SERINC2: variants seen among roughly 807,000 people sequenced by gnomAD.
The protein encoded by SERINC2 is serine incorporator 2.
Under a neutral mutation model 54.2 loss-of-function variants are expected in SERINC2, and 56 were observed. That is an observed-to-expected ratio of 1.03 (90% CI 0.83 to 1.29). SERINC2 has a LOEUF of 1.29. Among genes scored for constraint, SERINC2 ranks in the 50% most tolerant of loss-of-function variants. The pLI is 0.00. For synonymous variants in SERINC2, 272 were observed against 253.1 expected (o/e 1.07, Z -0.71); for missense variants, 614 against 607.4 (o/e 1.01, Z -0.12).
chr1:31,410,104 C>A, upstream of SERINC2: 1 of 1,285,430 alleles, frequency 7.8e-7, no homozygotes, highest in Non-Finnish European at 1.0e-6. Context: ...GTTTACATAG[C>A]ATTGGGTGGA....
chr1:31,424,792 C>T lies in SERINC2; in HGVS notation c.311C>T (p.Thr104Met), dbSNP rs144416050. ...GCTGTCTACCGCATGTGCTTCGCCA[C>T]GGCGGCCTTCTTCTTCTTTTTCACC... Reference protein sequence around the residue: ...YRAVYRMCFATAAFFFFFTLL... With the variant: ...YRAVYRMCFAMAAFFFFFTLL... Residue 104 changes from threonine to methionine, a missense_variant, in exon 3 of 10, where the codon ACG (threonine) becomes ATG (methionine). Thr to Met is a moderately conservative substitution (Grantham distance 81). Transcript: ENST00000373709. 2,042 of 1,612,138 alleles carry T rather than the reference C, an allele frequency of 1.3e-3. 6 individuals carry two copies. The highest frequency in any genetic ancestry group is 1.5e-3 in the Non-Finnish European group (1,827 of 1,179,430).
rs1553134037 is a variant in SERINC2, at chr1:31,429,075, A to T, written c.871+7A>T. ...GCCCTATCCAGTATCCCTGGTAAGT[A>T]TGGGCCCAGGCTCAAGGAGGCCTGG... On this transcript the variant is annotated splice_region_variant and intron_variant, in intron 7 of 9. Transcript: ENST00000373709. 8 of 1,611,102 alleles carry T rather than the reference A, an allele frequency of 5.0e-6. No individual in the cohort carries two copies. In the Admixed American group the frequency reaches 1.3e-4, roughly 27 times the overall value.
upstream of SERINC2, chr1:31,409,887 A>G (rs567878790): frequency 2.0e-4 from 302 of 1,527,464 alleles, 4 homozygotes; most frequent in South Asian, 3.4e-3. Flanking sequence ...GATTGGGGGC[A>G]CTGAGGCGGG....
At chr1:31,414,860 C>T (rs1300119833) in intron 1 of SERINC2, 111 of 776,412 alleles carry the variant, frequency 1.4e-4, no homozygotes, top group Non-Finnish European at 1.4e-4. Context: ...TTGGTCACCC[C>T]ATCTGGCAGT....
At chr1:31,428,815 A>G (rs1641112642) in intron 6 of SERINC2, among the ~76,000 whole-genome samples, 163 bp from the exon 7 acceptor site, 1 of 146,696 alleles carries the variant, frequency 6.8e-6, no homozygotes, top group African/African-American at 2.5e-5. Flanking sequence ...TTGGTTAGTG[A>G]GGTGGGTGGT....
rs781876384 is a variant in SERINC2 at position 31,434,093 on chromosome 1, C to T, written c.1262C>T (p.Thr421Met). 36 of 1,613,868 alleles carry T rather than the reference C, an allele frequency of 2.2e-5. No individual in the cohort carries two copies. The highest frequency in any genetic ancestry group is 9.3e-5 in the African/African-American group (7 of 74,894). Residue 421 changes from threonine (T) to methionine (M), a missense_variant, in exon 10 of 10, where the codon ACG (threonine) becomes ATG (methionine). By Grantham distance (81) the Thr-to-Met change is moderately conservative. Coordinates refer to ENST00000373709, the MANE Select transcript of SERINC2 (RefSeq NM_178865.5). ...GGTGAGACCCGGAAGATGATCAGCA[C>T]GTGGACCGCCGTGTGGGTGAAGATC... ...KPGETRKMIS[T>M]WTAVWVKICA...
At chr1:31,429,684 A>T in intron 8 of SERINC2, 146 bp downstream of exon 8, 1 of 913,472 alleles carries the variant, frequency 1.1e-6, no homozygotes, top group Non-Finnish European at 1.6e-6. Flanking sequence ...GGGAGGGGAA[A>T]CTGAGTCCCT....
chr1:31,432,090 GGA>G (rs1641282404), intron 8 of SERINC2, among the ~76,000 whole-genome samples: 2 of 125,506 alleles, frequency 1.6e-5, no homozygotes, highest in African/African-American at 3.3e-5. Context: ...TGGTTAGGGT[GGA>G]CAGGGTGGAC....
upstream of SERINC2, chr1:31,410,327 A>G (rs114060678): frequency 1.0e-3 from 1,592 of 1,545,774 alleles, 12 homozygotes; most frequent in African/African-American, 0.018. Context: ...TCCTCACTTC[A>G]TCTCCTCAGT....
intron 8 of SERINC2, among the ~76,000 whole-genome samples, chr1:31,431,994 T>TAGGGTGGATAGGGTGGATAGGGTGGAC (rs1641255422): frequency 1.2e-4 from 3 of 24,128 alleles, no homozygotes; most frequent in Non-Finnish European, 2.5e-4. Flanking sequence ...ATAGGGTGGA[T>TAGGGTGGATAGGGTGGATAGGGTGGAC]AGGGTGGATA....
chr1:31,429,433 G>T lies in SERINC2; in HGVS notation c.908G>T (p.Gly303Val), dbSNP rs202197509. 5.9e-5 allele frequency: 95 copies of T among 1,613,688 alleles called. No homozygotes were observed. Among genetic ancestry groups the T allele is most frequent in the Admixed American group, 1.5e-4 (9 of 59,946 alleles). The part of the protein sequence containing the change: ...KCNPHLPTQL[G>V]NETVVAGPEG... ...AACCCCCATTTGCCAACCCAGCTGG[G>T]CAACGAGACAGTTGTGGCAGGCCCC... is the stretch of plus-strand genomic sequence containing the variant. The change falls in exon 8 of 10, where the codon GGC becomes GTC. Residue 303 changes from glycine (G) to valine (V), a missense_variant. Gly to Val is a moderately radical substitution (Grantham distance 109). Transcript: ENST00000373709.
chr1:31,427,836 T>C (rs1294197455), intron 6 of SERINC2, among the ~76,000 whole-genome samples: 1 of 145,238 alleles, frequency 6.9e-6, no homozygotes, highest in East Asian at 2.0e-4. Flanking sequence ...TTTTTTTTTT[T>C]TTTTTTTTTT....
At position 31,434,328 on chromosome 1, in the gene SERINC2, C is replaced by T. The variant is rs1277940442; in HGVS notation, c.*129C>T. The T allele has an allele frequency of 1.4e-5, 14 of 979,220 alleles. No homozygotes were observed. The Admixed American group carries it at 2.5e-4, about 18-fold the overall frequency. The allele number at this position is 979,220 out of a possible 1,614,324, so 60.7% of individuals were successfully genotyped here. A position where few individuals can be genotyped will look rare whatever the true frequency, so the allele number is the denominator to read the frequency against. On this transcript the variant is annotated 3_prime_UTR_variant, in exon 10 of 10. Coordinates refer to ENST00000373709, the MANE Select transcript of SERINC2 (RefSeq NM_178865.5). ...CCCCACCCCTGCCCCAGCTCCAGGA[C>T]CTGCCCCTGAGCCGGGCCTTCTAGT...
At position 31,423,622 on chromosome 1, in the gene SERINC2, T is replaced by A. The variant is rs1640953303; in HGVS notation, c.40-71T>A. 3 of 1,511,224 alleles carry A rather than the reference T, an allele frequency of 2.0e-6. No homozygotes were observed. The Admixed American group carries it at 5.5e-5, about 28-fold the overall frequency. The allele number at this position is 1,511,224 out of a possible 1,614,324, so 93.6% of individuals were successfully genotyped here. On this transcript the variant is annotated intron_variant, in intron 1 of 9. Transcript: ENST00000373709. ...AGCGCAGCACAGATGCGCCGACCTC[T>A]GGGCAGGTGGTGAGAGGTGCGCGCT...
Position 31,413,245 on chromosome 1 carries a change from C to G in SERINC2, c.-21C>G. The G allele has an allele frequency of 8.5e-7, 1 of 1,181,642 alleles. No homozygotes were observed. Among genetic ancestry groups the G allele is most frequent in the Non-Finnish European group, 1.0e-6 (1 of 957,612 alleles). 73.2% of individuals were successfully genotyped at this position (1,181,642 alleles called of 1,614,324 possible). On this transcript the variant is annotated 5_prime_UTR_variant, in exon 1 of 10. Coordinates refer to ENST00000373709, the MANE Select transcript of SERINC2 (RefSeq NM_178865.5). This position sits in a 1 kb window ranked among gnomAD's most constrained non-coding sequence, Gnocchi z 5.0. Reference sequence around the variant, plus strand: ...GCGCCCCGCGCCCGGCGCCGGGCGCCCGAAGCCGGGAGCCGCCGCCATGGG... The same window carrying G: ...GCGCCCCGCGCCCGGCGCCGGGCGCGCGAAGCCGGGAGCCGCCGCCATGGG...
At chr1:31,419,167 C>T (rs1640847863) in intron 1 of SERINC2, among the ~76,000 whole-genome samples, 1 of 152,186 alleles carries the variant, frequency 6.6e-6, no homozygotes, top group Admixed American at 6.5e-5. Flanking sequence ...GCTTTCCAGT[C>T]TGCCTTCCTT....
chr1:31,426,070 G>A, intron 5 of SERINC2, 157 bp downstream of exon 5: 1 of 755,316 alleles, frequency 1.3e-6, no homozygotes. Flanking sequence ...GGGAGATGGG[G>A]GGCACCAGCT....
In SERINC2 at chr1:31,413,536, G is replaced by A. The variant is rs987084990; in HGVS notation, c.39+232G>A. ...GCAGGCGCCGGGCAGCTGCGGTCCC[G>A]GCTCGGGTTTCCGCGGGCAGGAGGG... On this transcript the variant is annotated intron_variant, in intron 1 of 9. Transcript: ENST00000373709. The surrounding 1 kb of genome is among the most constrained non-coding windows in gnomAD (Gnocchi z 5.0). Among the ~76,000 whole-genome samples, 2 of 151,780 alleles carry A rather than the reference G, an allele frequency of 1.3e-5. No individual in the cohort carries two copies. The highest frequency in any genetic ancestry group is 2.9e-5 in the Non-Finnish European group (2 of 67,858).
At chr1:31,432,084 T>TGGAGAGGGTGGAG (rs1641279980) in intron 8 of SERINC2, among the ~76,000 whole-genome samples, 1 of 13,446 alleles carries the variant, frequency 7.4e-5, no homozygotes, top group Non-Finnish European at 1.5e-4. Context: ...ACAGGGTGGT[T>TGGAGAGGGTGGAG]AGGGTGGACA....
Sources: gnomAD v4.1 joint callset for allele counts (sites outside exome capture counted in the v4.1 genomes callset) on GRCh38, gnomAD v4.1.1 for gene constraint, Gnocchi (gnomAD v3.1) non-coding constraint, MANE v1.5 for transcripts, NCBI Gene and HGNC (gene_info 2026-07-23, HGNC 2026-07-21) for gene names.